GIGYF2: variants seen among roughly 807,000 people sequenced by gnomAD.
GIGYF2 encodes the protein GRB10 interacting GYF protein 2.
A neutral mutation model predicts 208.1 loss-of-function variants in GIGYF2; 25 were observed. The observed-to-expected ratio is 0.12, with a 90% confidence interval of 0.09 to 0.17. GIGYF2 has a LOEUF of 0.17. Among genes scored for constraint, GIGYF2 ranks in the 10% least tolerant of loss-of-function variants. GIGYF2 has a pLI of 1.00. For missense variants in GIGYF2, 1,302 were observed against 1,579.4 expected, an observed-to-expected ratio of 0.82 and a Z score of 2.98; for synonymous variants, 534 against 543.8, an observed-to-expected ratio of 0.98 and a Z score of 0.25.
rs1235890104 is a variant in GIGYF2 at position 232,845,791 on chromosome 2, T to G, written c.3365T>G (p.Leu1122Arg). Residue 1122 changes from leucine to arginine, a missense_variant, in exon 26 of 29, where the codon CTG becomes CGG. Leu to Arg is a moderately radical substitution (Grantham distance 102). Around this residue, in one of 8 missense-constraint regions of GIGYF2, gnomAD observed 701 missense variants for 793.0 expected, o/e 0.88. Transcript: ENST00000373563. Reference sequence around the variant, plus strand: ...AAAGTAGAAGAAGAAGAAAAGTTGCTGAAGCTCTTTCAGGGAGTAAATAAA... The same window carrying G: ...AAAGTAGAAGAAGAAGAAAAGTTGCGGAAGCTCTTTCAGGGAGTAAATAAA... ...NKKVEEEEKL[L>R]KLFQGVNKAQ... The G allele has an allele frequency of 2.5e-6, 4 of 1,612,738 alleles. No homozygotes were observed. The highest frequency in any genetic ancestry group is 1.7e-5 in the Admixed American group (1 of 60,000).
rs747025947 is a variant in GIGYF2 at position 232,776,500 on chromosome 2, GA to G, written c.533-10649del. 1.2e-4 allele frequency: 150 copies of G among 1,215,662 alleles called. 1 individual carries two copies. In the Admixed American group the frequency reaches 1.3e-3, roughly 11 times the overall value. 75.3% of individuals were successfully genotyped at this position (1,215,662 alleles called of 1,614,324 possible). A position where few individuals can be genotyped will look rare whatever the true frequency, so the allele number is the denominator to read the frequency against. On this transcript the variant is annotated intron_variant, in intron 8 of 28. Transcript: ENST00000373563. ...AAGGTAGGTCTTAAGGAAATTTACAGAGTCTGCCTTTTTGATCAGATAATTT... is the reference window on the plus strand; with the variant it reads ...AAGGTAGGTCTTAAGGAAATTTACAGGTCTGCCTTTTTGATCAGATAATTT...
chr2:232,753,120 T>G (rs1188953525), intron 5 of GIGYF2, among the ~76,000 whole-genome samples: 1 of 151,258 alleles, frequency 6.6e-6, no homozygotes, highest in Middle Eastern at 3.2e-3. Context: ...TATTTATTTA[T>G]TTATTTATTT....
chr2:232,773,808 C>T (rs934079278), intron 8 of GIGYF2, among the ~76,000 whole-genome samples: 3 of 150,192 alleles, frequency 2.0e-5, no homozygotes, highest in Admixed American at 6.7e-5. Context: ...TTATTAAAAA[C>T]GTGTCTGGCT....
chr2:232,699,589 A>G (rs1695752521), intron 1 of GIGYF2, among the ~76,000 whole-genome samples: 1 of 152,182 alleles, frequency 6.6e-6, no homozygotes, highest in African/African-American at 2.4e-5. Flanking sequence ...AACGTTTTAA[A>G]ATGAGATTGA....
chr2:232,722,314 C>T (rs1307147161), intron 2 of GIGYF2, among the ~76,000 whole-genome samples: 1 of 152,112 alleles, frequency 6.6e-6, no homozygotes, highest in African/African-American at 2.4e-5. Context: ...GAAGGGGAAG[C>T]AAGGCACCTT....
intron 2 of GIGYF2, among the ~76,000 whole-genome samples, chr2:232,732,989 G>A (rs1260654809): frequency 6.6e-6 from 1 of 151,728 alleles, no homozygotes; most frequent in Non-Finnish European, 1.5e-5. Flanking sequence ...GGGCGCAGTG[G>A]CTCACGCCTG....
rs180901176 is a variant in GIGYF2 at position 232,727,301 on chromosome 2, A to G, written c.-43-7854A>G. Among the ~76,000 whole-genome samples the G allele has an allele frequency of 2.0e-3, 304 of 152,246 alleles. 2 individuals carry two copies. Among genetic ancestry groups the G allele is most frequent in the South Asian group, 0.01 (50 of 4,820 alleles). On this transcript the variant is annotated intron_variant, in intron 2 of 28. Coordinates refer to ENST00000373563, the MANE Select transcript of GIGYF2 (RefSeq NM_001103146.3). ...CTTTTAAAAACTGCAACTTAACTCTATATCTGTTTATTAGAAGTTTGTCCA... is the reference window on the plus strand; with the variant it reads ...CTTTTAAAAACTGCAACTTAACTCTGTATCTGTTTATTAGAAGTTTGTCCA...
chr2:232,850,840 T>C (rs1456067924), intron 28 of GIGYF2, among the ~76,000 whole-genome samples: 1 of 152,204 alleles, frequency 6.6e-6, no homozygotes, highest in Admixed American at 6.5e-5. Flanking sequence ...AATCACTCTA[T>C]GTATCATATA....
At chr2:232,762,227 TTTTTTTTTTTG>T (rs553014938) in intron 8 of GIGYF2, among the ~76,000 whole-genome samples, 7,182 of 98,092 alleles carry the variant, frequency 0.073, 241 homozygotes, top group Non-Finnish European at 0.1. Flanking sequence ...TAATCATGTC[TTTTTTTTTTTG>T]TTTTTTTTTT....
chr2:232,714,549 A>G (rs1434550120), intron 2 of GIGYF2, among the ~76,000 whole-genome samples: 7 of 152,166 alleles, frequency 4.6e-5, no homozygotes, highest in Non-Finnish European at 5.9e-5. Flanking sequence ...ACAATAAAAT[A>G]CCTTTATTTT....
At position 232,784,668 on chromosome 2, in the gene GIGYF2, C is replaced by T. The variant is rs188179287; in HGVS notation, c.533-2482C>T. ...CTGGGATTACAGGTGTGAGCCACCG[C>T]GCCTGGCCACAAAATAATTTATAAA... On this transcript the variant is annotated intron_variant, in intron 8 of 28. Coordinates refer to ENST00000373563, the MANE Select transcript of GIGYF2 (RefSeq NM_001103146.3). 1.1e-4 allele frequency among the ~76,000 whole-genome samples: 16 copies of T among 152,126 alleles called. No homozygotes were observed. In the East Asian group the frequency reaches 1.7e-3, roughly 17 times the overall value.
In GIGYF2 at chr2:232,811,366, C is replaced by A; in HGVS notation, c.2006+15C>A. On this transcript the variant is annotated intron_variant, in intron 17 of 28. Transcript: ENST00000373563. ...TTGAAGATGAGGTTGGTGGTCATTC[C>A]ATTATGTGTCATATGGGGTGCATGT... 1 of 1,300,082 alleles carries A rather than the reference C, an allele frequency of 7.7e-7. No individual in the cohort carries two copies. The allele number at this position is 1,300,082 out of a possible 1,614,324, so 80.5% of individuals were successfully genotyped here.
chr2:232,855,080 C>CTTTTTTTTTTTTTTTTTTT (rs201395041), intron 28 of GIGYF2, among the ~76,000 whole-genome samples: 9 of 109,188 alleles, frequency 8.2e-5, no homozygotes, highest in African/African-American at 1.2e-4. Flanking sequence ...CTTTTTCTTT[C>CTTTTTTTTTTTTTTTTTTT]TTTTTTTTTT....
intron 14 of GIGYF2, among the ~76,000 whole-genome samples, chr2:232,803,195 C>T: frequency 6.6e-6 from 1 of 152,186 alleles, no homozygotes. Context: ...CCGGCCTGTT[C>T]AGAGATTTTT....
At chr2:232,739,519 T>A (rs1181999738) in intron 3 of GIGYF2, among the ~76,000 whole-genome samples, 5 of 146,894 alleles carry the variant, frequency 3.4e-5, no homozygotes, top group South Asian at 2.2e-4. Flanking sequence ...ACAAAAAAAA[T>A]TAAAAAAAAA....
intron 12 of GIGYF2, among the ~76,000 whole-genome samples, chr2:232,793,619 A>C (rs951525879): frequency 6.6e-6 from 1 of 152,168 alleles, no homozygotes; most frequent in African/African-American, 2.4e-5. Flanking sequence ...GTTGTGAATG[A>C]GGGACTGTAG....
intron 8 of GIGYF2, chr2:232,767,283 A>G (rs1227384120): frequency 2.0e-5 from 3 of 152,156 alleles, no homozygotes; most frequent in African/African-American, 7.2e-5. Context: ...AGTTATATCT[A>G]AGTAAAGCTT....
intron 19 of GIGYF2, among the ~76,000 whole-genome samples, 181 bp from the exon 20 acceptor site, chr2:232,816,690 A>G (rs1700923068): frequency 6.6e-6 from 1 of 152,204 alleles, no homozygotes. Context: ...GTTGAATAGT[A>G]TTAATATTCC....
intron 3 of GIGYF2, among the ~76,000 whole-genome samples, chr2:232,746,285 A>C (rs891317329): frequency 6.6e-6 from 1 of 151,946 alleles, no homozygotes; most frequent in Admixed American, 6.6e-5. Context: ...TGCATACGCT[A>C]TTTTTAATAA....
Sources: gnomAD v4.1 joint callset for allele counts (sites outside exome capture counted in the v4.1 genomes callset) on GRCh38, gnomAD v4.1.1 for gene constraint, gnomAD v4.1.1 regional missense constraint, MANE v1.5 for transcripts, NCBI Gene and HGNC (gene_info 2026-07-23, HGNC 2026-07-21) for gene names.